IGFL2: variants seen among roughly 807,000 people sequenced by gnomAD.
IGFL2 encodes IGF like family member 2, also known as insulin growth factor-like family member 2.
IGFL2 carries 7 observed loss-of-function variants against 13.9 expected under a neutral mutation model. The ratio of observed to expected loss-of-function variants is 0.51; its 90% confidence interval spans 0.29 to 0.95. The LOEUF is 0.95. Among genes scored for constraint, IGFL2 ranks in the 40% least tolerant of loss-of-function variants. The pLI, the probability that IGFL2 is intolerant of heterozygous loss-of-function variation, is 0.08. For missense variants in IGFL2, 138 were observed against 147.8 expected, an observed-to-expected ratio of 0.93 and a Z score of 0.34; for synonymous variants, 55 against 55.8, an observed-to-expected ratio of 0.99 and a Z score of 0.07.
the IGFL2 span, among the ~76,000 whole-genome samples, chr19:46,127,361 A>AG: frequency 6.6e-6 from 1 of 152,214 alleles, no homozygotes; most frequent in Non-Finnish European, 1.5e-5. Flanking sequence ...CAAAGAAAGA[A>AG]GAAGGAAGGA....
At chr19:46,141,931 C>A (rs370548382), upstream of IGFL2, among the ~76,000 whole-genome samples, 1 of 152,298 alleles carries the variant, frequency 6.6e-6, no homozygotes, top group East Asian at 1.9e-4. Context: ...TCCTTCTCCT[C>A]CTTTTACCTC....
At chr19:46,109,591 C>T in the IGFL2 span, among the ~76,000 whole-genome samples, 5 of 152,138 alleles carry the variant, frequency 3.3e-5, no homozygotes, top group Non-Finnish European at 5.9e-5. Flanking sequence ...GCTGGGATTA[C>T]AGGCGTGAGA....
the IGFL2 span, among the ~76,000 whole-genome samples, chr19:46,080,105 T>C: frequency 1.3e-5 from 2 of 152,230 alleles, no homozygotes; most frequent in African/African-American, 4.8e-5. Context: ...TAAATAAAGA[T>C]TGTCGTTTTC....
At chr19:46,120,263 T>C in the IGFL2 span, 1 of 1,603,820 alleles carries the variant, frequency 6.2e-7, no homozygotes, top group Non-Finnish European at 8.5e-7. Flanking sequence ...TCAACTGTAG[T>C]CTCCGATGTC....
the IGFL2 span, among the ~76,000 whole-genome samples, chr19:46,125,750 C>T: frequency 3.9e-5 from 6 of 152,276 alleles, no homozygotes; most frequent in African/African-American, 1.2e-4. Flanking sequence ...TCCCCTACCC[C>T]GGAACCTAAG....
the IGFL2 span, among the ~76,000 whole-genome samples, chr19:46,084,945 C>T: frequency 9.9e-5 from 15 of 152,186 alleles, no homozygotes; most frequent in East Asian, 1.7e-3. Flanking sequence ...TTACTCATTC[C>T]GGCATCAACT....
the IGFL2 span, among the ~76,000 whole-genome samples, chr19:46,079,325 G>C: frequency 6.6e-6 from 1 of 152,250 alleles, no homozygotes; most frequent in Non-Finnish European, 1.5e-5. Flanking sequence ...CTGCCCAGGA[G>C]GTGCGTCAAG....
the IGFL2 span, among the ~76,000 whole-genome samples, chr19:46,197,737 G>A: frequency 6.6e-6 from 1 of 152,034 alleles, no homozygotes; most frequent in Non-Finnish European, 1.5e-5. Context: ...TCAGCATGTT[G>A]TTCAGGCTGG....
chr19:46,120,466 T>C, the IGFL2 span: 1 of 1,491,894 alleles, frequency 6.7e-7, no homozygotes, highest in Non-Finnish European at 9.1e-7. Context: ...ACTTGACTGC[T>C]ACACCAGATG....
chr19:46,124,523 G>C, the IGFL2 span: 1 of 1,267,780 alleles, frequency 7.9e-7, no homozygotes, highest in Non-Finnish European at 1.2e-6. Flanking sequence ...GGCACAGGAG[G>C]CTGGAATAAT....
the IGFL2 span, among the ~76,000 whole-genome samples, chr19:46,097,686 C>T: frequency 6.6e-6 from 1 of 152,184 alleles, no homozygotes; most frequent in African/African-American, 2.4e-5. Flanking sequence ...TAGCTGCATC[C>T]CAGAGATTCT....
chr19:46,146,528 CTG>C (rs1973146085), upstream of IGFL2, among the ~76,000 whole-genome samples: 1 of 152,104 alleles, frequency 6.6e-6, no homozygotes, highest in Non-Finnish European at 1.5e-5. Flanking sequence ...TGTGTTAAAT[CTG>C]TAGATAATTT....
At chr19:46,106,400 T>C in the IGFL2 span, among the ~76,000 whole-genome samples, 1 of 152,130 alleles carries the variant, frequency 6.6e-6, no homozygotes, top group African/African-American at 2.4e-5. Context: ...ACTGAAGTAA[T>C]GGGGGCTGTC....
At chr19:46,185,241 C>G in the IGFL2 span, among the ~76,000 whole-genome samples, 573 of 152,182 alleles carry the variant, frequency 3.8e-3, 1 homozygote, top group African/African-American at 0.013. Context: ...TTTTCTACCC[C>G]CCTCCCTCTC....
At chr19:46,093,487 G>A in the IGFL2 span, among the ~76,000 whole-genome samples, 2 of 152,098 alleles carry the variant, frequency 1.3e-5, no homozygotes, top group Non-Finnish European at 2.9e-5. Context: ...TCCTAAGGTC[G>A]GGAACAAGGC....
At chr19:46,184,906 T>A in the IGFL2 span, among the ~76,000 whole-genome samples, 1 of 152,148 alleles carries the variant, frequency 6.6e-6, no homozygotes, top group Non-Finnish European at 1.5e-5. Flanking sequence ...CTCCACATCT[T>A]CTGTTGTTTC....
the IGFL2 span, chr19:46,198,025 C>CCCTCCCTT: frequency 7.9e-6 from 1 of 126,258 alleles, no homozygotes; most frequent in Non-Finnish European, 1.6e-5. Context: ...CTCCCTCCCT[C>CCCTCCCTT]CCTTCCTTCC....
At chr19:46,083,137 A>T in the IGFL2 span, among the ~76,000 whole-genome samples, 1 of 152,230 alleles carries the variant, frequency 6.6e-6, no homozygotes, top group Non-Finnish European at 1.5e-5. Flanking sequence ...TTTCCTTAAC[A>T]TATAACTGAG....
chr19:46,203,236 A>G, the IGFL2 span, among the ~76,000 whole-genome samples: 4 of 152,152 alleles, frequency 2.6e-5, no homozygotes, highest in Non-Finnish European at 5.9e-5. Flanking sequence ...GGAATGTCAC[A>G]AGGTTGATGG....
Sources: gnomAD v4.1 joint callset for allele counts (sites outside exome capture counted in the v4.1 genomes callset) on GRCh38, gnomAD v4.1.1 for gene constraint, MANE v1.5 for transcripts, NCBI Gene and HGNC (gene_info 2026-07-23, HGNC 2026-07-21) for gene names.